Variants in ADARB2 observed in about 807,000 individuals in gnomAD.
The protein encoded by ADARB2 is inactive double-stranded RNA-specific editase B2.
A neutral mutation model predicts 62.2 loss-of-function variants in ADARB2; 25 were observed. That is an observed-to-expected ratio of 0.40 (90% CI 0.29 to 0.56). The LOEUF is 0.56. Ranked by LOEUF, ADARB2 falls within the 20% of genes least tolerant of loss-of-function variation. The pLI is 0.43. For synonymous variants in ADARB2, 572 were observed against 500.8 expected, an observed-to-expected ratio of 1.14 and a Z score of -1.90; for missense variants, 1,071 against 1,077.4, an observed-to-expected ratio of 0.99 and a Z score of 0.08.
At chr10:1,522,128 G>T (rs986343070) in intron 1 of ADARB2, among the ~76,000 whole-genome samples, 1 of 152,294 alleles carries the variant, frequency 6.6e-6, no homozygotes, top group Non-Finnish European at 1.5e-5. Context: ...AACATTCTGT[G>T]AATGGTAATC....
chr10:1,521,968 A>G (rs1351256731), intron 1 of ADARB2, among the ~76,000 whole-genome samples: 4 of 152,206 alleles, frequency 2.6e-5, no homozygotes, highest in Non-Finnish European at 4.4e-5. Flanking sequence ...GGGCCGGGTC[A>G]CCCATATTTG....
At chr10:1,487,765 A>G (rs1337207510) in intron 1 of ADARB2, among the ~76,000 whole-genome samples, 1 of 152,232 alleles carries the variant, frequency 6.6e-6, no homozygotes, top group East Asian at 1.9e-4. Flanking sequence ...TGAACTAAAT[A>G]CAGATTGACA....
At chr10:1,385,044 C>T (rs116141434) in intron 1 of ADARB2, among the ~76,000 whole-genome samples, 149 of 152,200 alleles carry the variant, frequency 9.8e-4, no homozygotes, top group African/African-American at 3.3e-3. Context: ...TAAGAACTGC[C>T]GTGAACATGC....
intron 1 of ADARB2, among the ~76,000 whole-genome samples, chr10:1,655,485 T>C (rs1834162387): frequency 6.6e-6 from 1 of 152,248 alleles, no homozygotes; most frequent in Non-Finnish European, 1.5e-5. Context: ...TAATTATACC[T>C]AATTTGCTAT....
intron 2 of ADARB2, among the ~76,000 whole-genome samples, chr10:1,369,496 G>T (rs1436224279): frequency 6.6e-6 from 1 of 152,162 alleles, no homozygotes; most frequent in Non-Finnish European, 1.5e-5. Flanking sequence ...CCCCAAGTCT[G>T]GGTGTTCCCG....
At chr10:1,357,608 C>T (rs1392582771) in intron 3 of ADARB2, among the ~76,000 whole-genome samples, 2 of 152,184 alleles carry the variant, frequency 1.3e-5, no homozygotes, top group Admixed American at 1.3e-4. Context: ...CCTGCAGACC[C>T]CAAGCAAATG....
At chr10:1,708,567 A>C (rs1038660123) in intron 1 of ADARB2, among the ~76,000 whole-genome samples, 1 of 152,198 alleles carries the variant, frequency 6.6e-6, no homozygotes, top group African/African-American at 2.4e-5. Context: ...TTTGCAGGAA[A>C]AGCTACAAGA....
At chr10:1,696,940 C>T (rs559748832) in intron 1 of ADARB2, among the ~76,000 whole-genome samples, 2 of 151,652 alleles carry the variant, frequency 1.3e-5, no homozygotes, top group South Asian at 2.1e-4. Flanking sequence ...AATTTGTAAG[C>T]TTTCTTAAAA....
At chr10:1,532,299 T>C (rs757116912) in intron 1 of ADARB2, among the ~76,000 whole-genome samples, 1 of 152,188 alleles carries the variant, frequency 6.6e-6, no homozygotes, top group Non-Finnish European at 1.5e-5. Flanking sequence ...TTTTCTTTCT[T>C]TTAAGAAACC....
chr10:1,651,349 G>A (rs1389948859), intron 1 of ADARB2, among the ~76,000 whole-genome samples: 1 of 152,250 alleles, frequency 6.6e-6, no homozygotes, highest in Non-Finnish European at 1.5e-5. Context: ...GTTGGCCCTG[G>A]CGAGCCCCAG....
At chr10:1,553,475 G>T (rs112598042) in intron 1 of ADARB2, among the ~76,000 whole-genome samples, 16 of 152,312 alleles carry the variant, frequency 1.1e-4, no homozygotes, top group African/African-American at 3.8e-4. Flanking sequence ...TCCATGGAAA[G>T]CCAGAAGACC....
chr10:1,265,106 C>A (rs1403920304), intron 4 of ADARB2, among the ~76,000 whole-genome samples: 2 of 152,206 alleles, frequency 1.3e-5, no homozygotes, highest in Non-Finnish European at 2.9e-5. Context: ...GATAAAGGAC[C>A]ATCAGCTCTA....
intron 1 of ADARB2, among the ~76,000 whole-genome samples, chr10:1,444,058 C>G (rs1253991092): frequency 2.0e-5 from 3 of 150,998 alleles, no homozygotes; most frequent in Non-Finnish European, 4.4e-5. Context: ...TCCATGCACC[C>G]ACACACCACT....
intron 1 of ADARB2, among the ~76,000 whole-genome samples, chr10:1,386,258 CAA>C (rs1832524501): frequency 6.6e-6 from 1 of 151,370 alleles, no homozygotes; most frequent in African/African-American, 2.4e-5. Flanking sequence ...GAAAGAGAAA[CAA>C]AAAAATTGAA....
At chr10:1,490,365 T>G (rs921376481) in intron 1 of ADARB2, among the ~76,000 whole-genome samples, 1 of 152,228 alleles carries the variant, frequency 6.6e-6, no homozygotes, top group Admixed American at 6.5e-5. Flanking sequence ...ACTTAACTGT[T>G]TACAAGGTAA....
intron 1 of ADARB2, among the ~76,000 whole-genome samples, chr10:1,632,774 C>T (rs545339861): frequency 1.3e-5 from 2 of 152,256 alleles, no homozygotes; most frequent in Non-Finnish European, 2.9e-5. Flanking sequence ...CCCATCTGCA[C>T]ACTCGTTCCA....
chr10:1,664,463 A>C (rs1040798573), intron 1 of ADARB2, among the ~76,000 whole-genome samples: 2 of 152,168 alleles, frequency 1.3e-5, no homozygotes, highest in Admixed American at 1.3e-4. Flanking sequence ...TCCTTCAAAG[A>C]CCTGACCTAA....
intron 1 of ADARB2, among the ~76,000 whole-genome samples, chr10:1,417,281 T>C (rs1207552131): frequency 6.7e-6 from 1 of 150,170 alleles, no homozygotes; most frequent in African/African-American, 2.4e-5. Context: ...ATATGCAAAC[T>C]AGATAGGAAG....
At chr10:1,337,062 C>CTGTGTGTGTG (rs145511384) in intron 3 of ADARB2, among the ~76,000 whole-genome samples, 4,935 of 142,088 alleles carry the variant, frequency 0.035, 88 homozygotes, top group South Asian at 0.05. Flanking sequence ...TTAAAGATTT[C>CTGTGTGTGTG]TGTGTGTGTG....
Sources: gnomAD v4.1 joint callset for allele counts (sites outside exome capture counted in the v4.1 genomes callset) on GRCh38, gnomAD v4.1.1 for gene constraint, MANE v1.5 for transcripts, NCBI Gene and HGNC (gene_info 2026-07-23, HGNC 2026-07-21) for gene names.